The following DOCK10 variants were observed in gnomAD, a reference collection of about 807,000 sequenced individuals.
DOCK10 encodes the protein dedicator of cytokinesis 10.
Under a neutral mutation model 280.1 loss-of-function variants are expected in DOCK10, and 145 were observed. That is an observed-to-expected ratio of 0.52 (90% CI 0.45 to 0.59). The LOEUF (loss-of-function observed/expected upper bound fraction) is 0.59. DOCK10 is among the 20% of genes least tolerant of loss of function. The pLI, the probability that DOCK10 is intolerant of heterozygous loss-of-function variation, is 0.00. For synonymous variants in DOCK10, 915 were observed against 942.2 expected (o/e 0.97, Z 0.53); for missense variants, 2,368 against 2,651.7 (o/e 0.89, Z 2.35).
At chr2:224,806,725 C>T in intron 33 of DOCK10, among the ~76,000 whole-genome samples, 1 of 152,122 alleles carries the variant, frequency 6.6e-6, no homozygotes, top group East Asian at 1.9e-4. Flanking sequence ...TGCCCTTAAC[C>T]TCCTGAGTAG....
intron 50 of DOCK10, among the ~76,000 whole-genome samples, chr2:224,784,050 T>C (rs988780986): frequency 6.6e-6 from 1 of 152,216 alleles, no homozygotes; most frequent in Non-Finnish European, 1.5e-5. Context: ...TCCTTTGTCA[T>C]AGAGCTCTGG....
intron 3 of DOCK10, among the ~76,000 whole-genome samples, chr2:224,906,541 T>C (rs1296645093): frequency 2.0e-5 from 3 of 152,142 alleles, no homozygotes; most frequent in Non-Finnish European, 4.4e-5. Context: ...TGCAGTAGTG[T>C]GATCTCAGCT....
chr2:224,833,265 G>A (rs921872341), intron 26 of DOCK10, among the ~76,000 whole-genome samples: 5 of 151,796 alleles, frequency 3.3e-5, no homozygotes, highest in Admixed American at 1.3e-4. Context: ...GGAACGCCTG[G>A]CCTATGCTAA....
chr2:224,841,580 TA>T, intron 23 of DOCK10, among the ~76,000 whole-genome samples: 1 of 152,330 alleles, frequency 6.6e-6, no homozygotes, highest in Middle Eastern at 3.4e-3. Context: ...GATTTTCAAT[TA>T]TTTTTATTTT....
chr2:224,833,137 G>C (rs753569455), intron 26 of DOCK10, among the ~76,000 whole-genome samples: 11 of 152,098 alleles, frequency 7.2e-5, no homozygotes, highest in Non-Finnish European at 1.2e-4. Context: ...TCCCACTGTA[G>C]TCGATTCTCA....
intron 3 of DOCK10, 51 bp from the exon 4 acceptor site, chr2:224,896,428 G>T (rs1394315957): frequency 1.6e-6 from 2 of 1,227,472 alleles, no homozygotes; most frequent in African/African-American, 1.5e-5. Context: ...TCATTAAAAG[G>T]CTGGGCGCGG....
intron 1 of DOCK10, among the ~76,000 whole-genome samples, chr2:224,961,414 C>CTTTCTT (rs1353096862): frequency 1.7e-4 from 14 of 82,992 alleles, no homozygotes; most frequent in African/African-American, 5.8e-4. Context: ...CTTTCTTTCT[C>CTTTCTT]TTTCTTTCTT....
At chr2:224,817,231 C>T (rs1013489712) in intron 29 of DOCK10, among the ~76,000 whole-genome samples, 6 of 152,172 alleles carry the variant, frequency 3.9e-5, no homozygotes, top group Admixed American at 2.6e-4. Context: ...CCTGCCCTTG[C>T]AAATAGGTCT....
At chr2:224,946,783 T>C (rs1703444756) in intron 1 of DOCK10, 3 of 1,306,572 alleles carry the variant, frequency 2.3e-6, no homozygotes, top group Non-Finnish European at 3.1e-6. Context: ...GTAGAGCTAA[T>C]CATTTTTGAA....
At chr2:224,838,837 G>A (rs543147922) in intron 24 of DOCK10, among the ~76,000 whole-genome samples, 1 of 152,218 alleles carries the variant, frequency 6.6e-6, no homozygotes, top group African/African-American at 2.4e-5. Flanking sequence ...GAAGGCATTG[G>A]CCAGATTAGA....
chr2:224,840,211 G>A (rs1166250232), intron 23 of DOCK10, 139 bp from the exon 24 acceptor site: 2 of 520,402 alleles, frequency 3.8e-6, no homozygotes, highest in Non-Finnish European at 6.9e-6. Flanking sequence ...ATGATTTTTT[G>A]GATATGACCC....
chr2:224,930,305 A>T (rs1157765493), intron 2 of DOCK10, among the ~76,000 whole-genome samples: 1 of 152,102 alleles, frequency 6.6e-6, no homozygotes, highest in Non-Finnish European at 1.5e-5. Flanking sequence ...TGTGGAATTT[A>T]AAAAAATGCG....
At chr2:224,789,784 C>CTT (rs10605253) in intron 47 of DOCK10, among the ~76,000 whole-genome samples, 2 of 147,376 alleles carry the variant, frequency 1.4e-5, no homozygotes, top group Admixed American at 6.7e-5. Context: ...CCAATACTTG[C>CTT]TTTTTTTTTT....
intron 42 of DOCK10, among the ~76,000 whole-genome samples, chr2:224,797,473 G>A (rs1209534580): frequency 1.3e-5 from 2 of 151,958 alleles, no homozygotes; most frequent in African/African-American, 2.4e-5. Context: ...ATTTACAAGC[G>A]TCCTCAAAGG....
At chr2:224,960,058 A>G (rs1446804968) in intron 1 of DOCK10, among the ~76,000 whole-genome samples, 1 of 152,170 alleles carries the variant, frequency 6.6e-6, no homozygotes, top group South Asian at 2.1e-4. Context: ...ACCCACCTCC[A>G]CCAATCAGAT....
At chr2:224,810,492 T>C (rs1458326249) in intron 31 of DOCK10, among the ~76,000 whole-genome samples, 4 of 152,114 alleles carry the variant, frequency 2.6e-5, no homozygotes, top group Admixed American at 2.0e-4. Flanking sequence ...TTAAATTTTA[T>C]TATTATTATA....
At chr2:224,784,115 CT>C (rs1196152499) in intron 50 of DOCK10, among the ~76,000 whole-genome samples, 1 of 152,158 alleles carries the variant, frequency 6.6e-6, no homozygotes, top group East Asian at 1.9e-4. Flanking sequence ...TACCTTGCTC[CT>C]TTCTCCATCT....
At chr2:224,948,944 C>T (rs150051470) in intron 1 of DOCK10, among the ~76,000 whole-genome samples, 1 of 152,152 alleles carries the variant, frequency 6.6e-6, no homozygotes, top group Non-Finnish European at 1.5e-5. Context: ...GTTCTTTATC[C>T]TAGAGTTCCT....
chr2:224,881,264 T>A (rs1010790405), intron 7 of DOCK10, among the ~76,000 whole-genome samples: 7 of 152,192 alleles, frequency 4.6e-5, no homozygotes, highest in African/African-American at 1.7e-4. Context: ...TTTTGTTTTT[T>A]TTTCTGTGCA....
Sources: gnomAD v4.1 joint callset for allele counts (sites outside exome capture counted in the v4.1 genomes callset) on GRCh38, gnomAD v4.1.1 for gene constraint, MANE v1.5 for transcripts, NCBI Gene and HGNC (gene_info 2026-07-23, HGNC 2026-07-21) for gene names.